PADI2: variants seen among roughly 807,000 people sequenced by gnomAD.
The protein encoded by PADI2 is peptidyl arginine deiminase 2.
A neutral mutation model predicts 81.1 loss-of-function variants in PADI2; 70 were observed. The ratio of observed to expected loss-of-function variants is 0.86; its 90% confidence interval spans 0.71 to 1.05. The LOEUF is 1.05. Among genes scored for constraint, PADI2 ranks in the 50% least tolerant of loss-of-function variants. The pLI is 0.00. For missense variants in PADI2, 853 were observed against 889.9 expected (o/e 0.96, Z 0.53); for synonymous variants, 338 against 358.0 (o/e 0.94, Z 0.63).
rs184095805 is a variant in PADI2, at chr1:17,069,204, C to T, written c.1838G>A (p.Cys613Tyr). The change falls in exon 16 of 16, where the codon TGC becomes TAC. Residue 613 changes from cysteine to tyrosine, a missense_variant. By Grantham distance (194) the Cys-to-Tyr change is radical (BLOSUM62 -2). Transcript: ENST00000375486. ...GAGGCCACGCACGTGCATCTCCAGG[C>T]AGCATTCCTCCTCAACCTGTGGCCC... is the stretch of plus-strand genomic sequence containing the variant. ...PFGPQVEEEC[C>Y]LEMHVRGLLE... 42 of 1,614,242 alleles carry T rather than the reference C, an allele frequency of 2.6e-5. No individual in the cohort carries two copies. Among genetic ancestry groups the T allele is most frequent in the Non-Finnish European group, 3.6e-5 (42 of 1,180,038 alleles).
At chr1:17,106,734 T>C (rs1931387318) in intron 1 of PADI2, among the ~76,000 whole-genome samples, 1 of 152,004 alleles carries the variant, frequency 6.6e-6, no homozygotes, top group Non-Finnish European at 1.5e-5. Flanking sequence ...TGAGCCACCC[T>C]GGCCAAGGGC....
intron 11 of PADI2, among the ~76,000 whole-genome samples, chr1:17,078,673 C>T (rs1251632704): frequency 6.6e-6 from 1 of 152,148 alleles, no homozygotes; most frequent in African/African-American, 2.4e-5. Context: ...TAGGCATGGG[C>T]CACTGTGCCC....
intron 5 of PADI2, among the ~76,000 whole-genome samples, chr1:17,092,840 T>G (rs1417934350): frequency 1.3e-5 from 2 of 150,776 alleles, no homozygotes; most frequent in African/African-American, 4.9e-5. Flanking sequence ...TCCTGGCTAC[T>G]CAGGAGGCTG....
At chr1:17,071,549 C>T in intron 13 of PADI2, 58 bp from the exon 14 acceptor site, 5 of 1,376,850 alleles carry the variant, frequency 3.6e-6, no homozygotes, top group Admixed American at 3.4e-5. Context: ...CTGAGTGTTC[C>T]CCTTTTGCCA....
At chr1:17,093,386 G>A (rs565907651) in intron 5 of PADI2, among the ~76,000 whole-genome samples, 181 bp downstream of exon 5, 7 of 152,238 alleles carry the variant, frequency 4.6e-5, no homozygotes, top group African/African-American at 9.6e-5. Flanking sequence ...GAGCCACCAC[G>A]CCCGGCCCTT....
At chr1:17,087,141 G>A (rs994439398) in intron 6 of PADI2, among the ~76,000 whole-genome samples, 12 of 152,136 alleles carry the variant, frequency 7.9e-5, no homozygotes, top group Admixed American at 2.0e-4. Flanking sequence ...TCTGAATCCC[G>A]AGCTCTCATC....
chr1:17,075,734 A>C lies in PADI2; in HGVS notation c.1400T>G (p.Leu467Arg). The C allele has an allele frequency of 1.2e-6, 2 of 1,614,126 alleles. No homozygotes were observed. The highest frequency in any genetic ancestry group is 1.7e-6 in the Non-Finnish European group (2 of 1,179,994). ...QAPVELYSDW[L>R]TVGHVDEFMS... Reference sequence around the variant, plus strand: ...GAACTCATCCACGTGGCCCACAGTCAGCCAGTCTGAGTAGAGCTCCACGGG... The same window carrying C: ...GAACTCATCCACGTGGCCCACAGTCCGCCAGTCTGAGTAGAGCTCCACGGG... The change falls in exon 12 of 16, where the codon CTG becomes CGG. Residue 467 changes from leucine to arginine, a missense_variant. Transcript: ENST00000375486.
chr1:17,103,425 T>C (rs554313427), intron 2 of PADI2, among the ~76,000 whole-genome samples: 11 of 152,136 alleles, frequency 7.2e-5, no homozygotes, highest in Admixed American at 3.9e-4. Flanking sequence ...ATGCCATCAC[T>C]GTGATGGGGC....
chr1:17,089,499 G>A (rs1360267259), intron 6 of PADI2, among the ~76,000 whole-genome samples: 1 of 152,212 alleles, frequency 6.6e-6, no homozygotes, highest in African/African-American at 2.4e-5. Context: ...AAGGTCTGGG[G>A]TAGGAACAGG....
At chr1:17,118,046 T>G (rs1931817499) in intron 1 of PADI2, among the ~76,000 whole-genome samples, 1 of 152,080 alleles carries the variant, frequency 6.6e-6, no homozygotes. Flanking sequence ...TGGGGCTTGT[T>G]GGTATCAGCG....
intron 7 of PADI2, 54 bp downstream of exon 7, chr1:17,086,467 A>T: frequency 1.4e-6 from 2 of 1,461,236 alleles, no homozygotes; most frequent in Non-Finnish European, 1.9e-6. Flanking sequence ...CTAGTAGGAG[A>T]CCCACCCTGG....
Position 17,087,802 on chromosome 1 carries a change from G to A in PADI2, c.656-1103C>T, listed in dbSNP as rs148676157. On this transcript the variant is annotated intron_variant, in intron 6 of 15. Coordinates refer to ENST00000375486, the MANE Select transcript of PADI2 (RefSeq NM_007365.3). ...ATTACAGGTGTGAGCCACCACACCC[G>A]GCCTCATCACAGCCTTTTTAAATGT... 5.6e-3 allele frequency among the ~76,000 whole-genome samples: 848 copies of A among 152,312 alleles called. 4 individuals carry two copies. The highest frequency in any genetic ancestry group is 0.017 in the Middle Eastern group (5 of 294).
At chr1:17,097,393 A>G (rs915702376) in intron 3 of PADI2, among the ~76,000 whole-genome samples, 1 of 152,190 alleles carries the variant, frequency 6.6e-6, no homozygotes, top group African/African-American at 2.4e-5. Flanking sequence ...TTTCCAGTCT[A>G]GAAGGAGGCT....
intron 1 of PADI2, among the ~76,000 whole-genome samples, chr1:17,109,879 T>C (rs1437123479): frequency 2.0e-5 from 3 of 152,238 alleles, no homozygotes; most frequent in Non-Finnish European, 4.4e-5. Context: ...GATGATCTTT[T>C]AGGACCCTGA....
At position 17,119,320 on chromosome 1, in the gene PADI2, C is replaced by A; in HGVS notation, c.52G>T (p.Val18Leu). Residue 18 changes from valine to leucine, a missense_variant, in exon 1 of 16, where the codon GTG becomes TTG. Val to Leu is a conservative substitution (Grantham distance 32). Coordinates refer to ENST00000375486, the MANE Select transcript of PADI2 (RefSeq NM_007365.3). The surrounding 1 kb of genome is among the most constrained non-coding windows in gnomAD (Gnocchi z 4.8). ...CAGAGGTAGGTGCCCAGCACGTACA[C>A]CGCCTCCACGCGGCTCCCGTACTGC... The part of the protein sequence containing the change: ...RLQYGSRVEA[V>L]YVLGTYLWTD... 1 of 1,560,864 alleles carries A rather than the reference C, an allele frequency of 6.4e-7. No homozygotes were observed. The highest frequency in any genetic ancestry group is 8.7e-7 in the Non-Finnish European group (1 of 1,153,700).
At chr1:17,110,873 T>C (rs1931554315) in intron 1 of PADI2, among the ~76,000 whole-genome samples, 1 of 152,150 alleles carries the variant, frequency 6.6e-6, no homozygotes, top group African/African-American at 2.4e-5. Context: ...TTTGTTTGTT[T>C]GTTTCAGCAC....
At chr1:17,089,008 C>T (rs1021161089) in intron 6 of PADI2, among the ~76,000 whole-genome samples, 42 of 151,340 alleles carry the variant, frequency 2.8e-4, no homozygotes, top group Middle Eastern at 3.4e-3. Context: ...ATGATACCCA[C>T]GCCACAGGTT....
At chr1:17,081,657 TCCCC>T (rs1393065260) in intron 10 of PADI2, among the ~76,000 whole-genome samples, 1 of 152,056 alleles carries the variant, frequency 6.6e-6, no homozygotes. Flanking sequence ...TGTTCAAACC[TCCCC>T]CAGCCTGTTC....
Position 17,079,403 on chromosome 1 carries a change from C to T in PADI2, c.1171G>A (p.Gly391Ser), listed in dbSNP as rs762950171. The T allele has an allele frequency of 7.4e-6, 12 of 1,613,728 alleles. No homozygotes were observed. The highest frequency in any genetic ancestry group is 3.3e-5 in the Admixed American group (2 of 60,006). Residue 391 changes from glycine to serine, a missense_variant, in exon 11 of 16, where the codon GGC (glycine) becomes AGC (serine). By Grantham distance (56) the Gly-to-Ser change is moderately conservative. Coordinates refer to ENST00000375486, the MANE Select transcript of PADI2 (RefSeq NM_007365.3). ...AAGAGGGGCTCCCGGGTCACGTAGCCAAAATCTGGGCCCTAGGCAGAGGGC... is the reference window on the plus strand; with the variant it reads ...AAGAGGGGCTCCCGGGTCACGTAGCTAAAATCTGGGCCCTAGGCAGAGGGC... ...PVKELLGPDF[G>S]YVTREPLFES...
Sources: gnomAD v4.1 joint callset for allele counts (sites outside exome capture counted in the v4.1 genomes callset) on GRCh38, gnomAD v4.1.1 for gene constraint, Gnocchi (gnomAD v3.1) non-coding constraint, MANE v1.5 for transcripts, NCBI Gene and HGNC (gene_info 2026-07-23, HGNC 2026-07-21) for gene names.